NOS2: variants seen among roughly 807,000 people sequenced by gnomAD.
NOS2 encodes nitric oxide synthase, inducible.
Under a neutral mutation model 136.0 loss-of-function variants are expected in NOS2, and 96 were observed. The observed-to-expected ratio is 0.71, with a 90% CI of 0.60 to 0.84. NOS2 has a LOEUF of 0.84. Ranked by LOEUF, NOS2 falls within the 40% of genes least tolerant of loss-of-function variation. NOS2 has a pLI of 0.00. For missense variants in NOS2, 1,237 were observed against 1,496.9 expected (o/e 0.83, Z 2.87); for synonymous variants, 539 against 587.5 (o/e 0.92, Z 1.20).
At chr17:27,766,711 CG>C in intron 18 of NOS2, 123 bp from the exon 19 acceptor site, 2 of 745,064 alleles carry the variant, frequency 2.7e-6, no homozygotes, top group Non-Finnish European at 4.7e-6. Context: ...CTGAGGTGGC[CG>C]TTGGGTTTTT....
chr17:27,792,752 G>C lies in NOS2; in HGVS notation c.111-3064C>G, dbSNP rs1004303689. Among the ~76,000 whole-genome samples, 5 of 148,608 alleles carry C rather than the reference G, an allele frequency of 3.4e-5. No individual in the cohort carries two copies. In the South Asian group the frequency reaches 6.4e-4, roughly 19 times the overall value. ...TCAGCACTTTGGAAGGCCGAGGTGG[G>C]CGGATCACTCGAGCCCAGGAGTTCA... On this transcript the variant is annotated intron_variant, in intron 2 of 26. Coordinates refer to ENST00000313735, the MANE Select transcript of NOS2 (RefSeq NM_000625.4).
At chr17:27,776,908 G>A (rs773661725) in intron 11 of NOS2, among the ~76,000 whole-genome samples, 1 of 152,188 alleles carries the variant, frequency 6.6e-6, no homozygotes, top group African/African-American at 2.4e-5. Flanking sequence ...TACCCTGAAG[G>A]AGGGTGGTGA....
In NOS2 at chr17:27,792,528, T is replaced by C. The variant is rs149314424; in HGVS notation, c.111-2840A>G. Among the ~76,000 whole-genome samples the C allele has an allele frequency of 3.5e-3, 528 of 152,130 alleles. 1 individual carries two copies. The highest frequency in any genetic ancestry group is 0.012 in the African/African-American group (508 of 41,492). ...TCTGGCTGGCTGCTGGGAGACAGGG[T>C]GACAGGGTGACCAGACTCCAGGTGA... On this transcript the variant is annotated intron_variant, in intron 2 of 26. Coordinates refer to ENST00000313735, the MANE Select transcript of NOS2 (RefSeq NM_000625.4).
chr17:27,780,226 G>C (rs901593009), intron 9 of NOS2, among the ~76,000 whole-genome samples: 10 of 152,208 alleles, frequency 6.6e-5, no homozygotes, highest in Non-Finnish European at 1.5e-4. Context: ...GGAGTACAAA[G>C]GCTGTGAGTC....
At chr17:27,760,870 A>G (rs1382859923) in intron 23 of NOS2, 126 bp from the exon 24 acceptor site, 31 of 1,272,502 alleles carry the variant, frequency 2.4e-5, no homozygotes, top group Middle Eastern at 5.5e-4. Flanking sequence ...AGAAGCTCCT[A>G]TTTGATTTCC....
At chr17:27,786,304 T>C (rs952104010) in intron 5 of NOS2, among the ~76,000 whole-genome samples, 2 of 151,828 alleles carry the variant, frequency 1.3e-5, no homozygotes, top group African/African-American at 4.8e-5. Flanking sequence ...CACACACCTA[T>C]AGTCCCAGCT....
intron 11 of NOS2, among the ~76,000 whole-genome samples, chr17:27,777,555 C>T (rs112882390): frequency 6.6e-5 from 10 of 152,224 alleles, no homozygotes; most frequent in East Asian, 1.9e-4. Flanking sequence ...TTCATGCACA[C>T]GTCAGACAAG....
At chr17:27,771,789 G>A (rs1485948114) in intron 14 of NOS2, among the ~76,000 whole-genome samples, 3 of 152,246 alleles carry the variant, frequency 2.0e-5, no homozygotes, top group Non-Finnish European at 4.4e-5. Context: ...GTATGCTGGA[G>A]AGCTCCCCAA....
chr17:27,757,373 A>C lies in NOS2; in HGVS notation c.3355-20T>G. The C allele has an allele frequency of 6.2e-7, 1 of 1,610,972 alleles. No homozygotes were observed. Among genetic ancestry groups the C allele is most frequent in the South Asian group, 1.1e-5 (1 of 90,818 alleles). On this transcript the variant is annotated intron_variant, in intron 26 of 26. Transcript: ENST00000313735. ...CTGGCTCTTTTAGGTAAAAACAGAG[A>C]GCAACGTGTCAAGTCCAGGCTGGGA...
chr17:27,779,087 G>A (rs1908757406), intron 9 of NOS2, 31 bp from the exon 10 acceptor site: 1 of 1,378,946 alleles, frequency 7.3e-7, no homozygotes, highest in Non-Finnish European at 9.5e-7. Flanking sequence ...ATTTAACTGG[G>A]GCCTTCCTTA....
intron 18 of NOS2, among the ~76,000 whole-genome samples, chr17:27,767,304 G>A (rs997528306): frequency 2.0e-5 from 3 of 152,216 alleles, no homozygotes; most frequent in African/African-American, 7.2e-5. Context: ...GGCTGCCTTC[G>A]CAGCTGGAAG....
chr17:27,798,425 C>A (rs988973880), intron 2 of NOS2, among the ~76,000 whole-genome samples: 1 of 151,554 alleles, frequency 6.6e-6, no homozygotes, highest in South Asian at 2.1e-4. Flanking sequence ...CATTCTCAGG[C>A]CAAGCTCCTT....
At chr17:27,769,637 G>A (rs1908426810) in intron 15 of NOS2, 53 bp from the exon 16 acceptor site, 2 of 1,480,566 alleles carry the variant, frequency 1.4e-6, no homozygotes, top group South Asian at 1.1e-5. Context: ...TAAAAACACT[G>A]TTTTTTCCTT....
intron 5 of NOS2, 46 bp downstream of exon 5, chr17:27,787,632 A>G (rs1373222335): frequency 1.4e-6 from 2 of 1,434,602 alleles, no homozygotes; most frequent in South Asian, 2.5e-5. Context: ...ACAGGAGAGC[A>G]GGAGGAAGGG....
Position 27,780,814 on chromosome 17 carries a change from G to C in NOS2, c.957C>G (p.Phe319Leu). 6.2e-7 allele frequency: 1 copy of C among 1,614,192 alleles called. No homozygotes were observed. Among genetic ancestry groups the C allele is most frequent in the East Asian group, 2.2e-5 (1 of 44,858 alleles). Residue 319 changes from phenylalanine (F) to leucine (L), a missense_variant, in exon 9 of 27, where the codon TTC becomes TTG. Physicochemically the swap from Phe to Leu is conservative, Grantham distance 22. This residue lies in a region of NOS2 where 440 missense variants were observed against 545.4 expected (regional missense o/e 0.81). Transcript: ENST00000313735. ...CAAGCACAAGGTCAGGTGGGATTTCGAAGAGCTCAGGGTCACGGCCATTGG... is the reference window on the plus strand; with the variant it reads ...CAAGCACAAGGTCAGGTGGGATTTCCAAGAGCTCAGGGTCACGGCCATTGG... The part of the protein sequence containing the change: ...LQANGRDPEL[F>L]EIPPDLVLEV...
At chr17:27,770,160 T>C (rs1237742510) in intron 15 of NOS2, among the ~76,000 whole-genome samples, 1 of 152,280 alleles carries the variant, frequency 6.6e-6, no homozygotes, top group East Asian at 1.9e-4. Flanking sequence ...CTTTAATACC[T>C]CTCTCATTGC....
intron 13 of NOS2, among the ~76,000 whole-genome samples, chr17:27,772,751 C>T (rs1263546350): frequency 6.6e-6 from 1 of 152,168 alleles, no homozygotes; most frequent in African/African-American, 2.4e-5. Context: ...TATACATTCC[C>T]AGGCTGGGTG....
Position 27,766,469 on chromosome 17 carries a change from T to G in NOS2, c.2246+41A>C, listed in dbSNP as rs756149078. 9.4e-6 allele frequency: 14 copies of G among 1,483,734 alleles called. No individual in the cohort carries two copies. The East Asian group carries it at 3.2e-4, about 34-fold the overall frequency. 91.9% of individuals were successfully genotyped at this position (1,483,734 alleles called of 1,614,324 possible). ...TGATCTTTCATTCGTTAAAATAAAA[T>G]CGACAGAGTATCACCCACGAAGCCC... On this transcript the variant is annotated intron_variant, in intron 19 of 26. Transcript: ENST00000313735.
intron 2 of NOS2, among the ~76,000 whole-genome samples, chr17:27,792,494 A>G (rs904277282): frequency 6.6e-6 from 1 of 152,092 alleles, no homozygotes; most frequent in Non-Finnish European, 1.5e-5. Flanking sequence ...CCCCTCCCAC[A>G]CCATTTCTTC....
Sources: gnomAD v4.1 joint callset for allele counts (sites outside exome capture counted in the v4.1 genomes callset) on GRCh38, gnomAD v4.1.1 for gene constraint, gnomAD v4.1.1 regional missense constraint, MANE v1.5 for transcripts, NCBI Gene and HGNC (gene_info 2026-07-23, HGNC 2026-07-21) for gene names.